FBXL4: variants seen among roughly 807,000 people sequenced by gnomAD.
FBXL4 encodes F-box and leucine rich repeat protein 4, also known as F-box/LRR-repeat protein 4.
Under a neutral mutation model 58.9 loss-of-function variants are expected in FBXL4, and 40 were observed. That is an observed-to-expected ratio of 0.68 (90% CI 0.53 to 0.88). The LOEUF is 0.88. FBXL4 is among the 40% of genes least tolerant of loss of function. The probability of loss-of-function intolerance (pLI) is 0.00; values close to 1 mark genes in which losing one functional copy is unlikely to be tolerated. For missense variants in FBXL4, 676 were observed against 734.4 expected (o/e 0.92, Z 0.92); for synonymous variants, 263 against 265.5 (o/e 0.99, Z 0.09).
chr6:98,893,370 G>A (rs1442744955), intron 7 of FBXL4, among the ~76,000 whole-genome samples: 1 of 152,028 alleles, frequency 6.6e-6, no homozygotes, highest in East Asian at 1.9e-4. Flanking sequence ...TTTCCTCTAA[G>A]ACTTCTCTTA....
chr6:98,920,678 A>C (rs1772545245), intron 4 of FBXL4, among the ~76,000 whole-genome samples: 1 of 152,210 alleles, frequency 6.6e-6, no homozygotes, highest in South Asian at 2.1e-4. Context: ...TAAAATGAGA[A>C]AGGTATCTAT....
At position 98,944,727 on chromosome 6, in the gene FBXL4, C is replaced by T. The variant is rs144659114; in HGVS notation, c.-309+3079G>A. 7.2e-3 allele frequency among the ~76,000 whole-genome samples: 1,091 copies of T among 152,188 alleles called. 11 individuals carry two copies. The highest frequency in any genetic ancestry group is 0.058 in the Middle Eastern group (17 of 294). On this transcript the variant is annotated intron_variant, in intron 1 of 9. Coordinates refer to ENST00000369244, the MANE Select transcript of FBXL4 (RefSeq NM_001278716.2). Reference sequence around the variant, plus strand: ...ATGTGGGAAAATAAAGATAATGTCTCCCTCTCTGGCAAAGATCAGACAGCT... The same window carrying T: ...ATGTGGGAAAATAAAGATAATGTCTTCCTCTCTGGCAAAGATCAGACAGCT...
In FBXL4 at chr6:98,917,585, T is replaced by C. The variant is rs1772413994; in HGVS notation, c.647A>G (p.Tyr216Cys). Residue 216 changes from tyrosine (Y) to cysteine (C), a missense_variant, in exon 5 of 10, where the codon TAT becomes TGT. By Grantham distance (194) the Tyr-to-Cys change is radical (BLOSUM62 -2). Transcript: ENST00000369244. ...RLEVNSSLLEYYTELDAVVLH... is the reference protein window; with the variant it reads ...RLEVNSSLLECYTELDAVVLH... The stretch of plus-strand genomic sequence containing the variant: ...CACAACTGCATCTAATTCAGTGTAA[T>C]ATTCCAGAAGAGAACTATTTACTTC... The C allele has an allele frequency of 6.2e-7, 1 of 1,614,040 alleles. No homozygotes were observed. Among genetic ancestry groups the C allele is most frequent in the East Asian group, 2.2e-5 (1 of 44,880 alleles).
chr6:98,905,502 G>A lies in FBXL4; in HGVS notation c.1027C>T (p.Arg343Cys), dbSNP rs754570800. The A allele has an allele frequency of 2.2e-5, 35 of 1,613,894 alleles. No homozygotes were observed. The highest frequency in any genetic ancestry group is 3.3e-5 in the South Asian group (3 of 91,086). The stretch of plus-strand genomic sequence containing the variant: ...TTAAGCCACTGGACAAGAGTGCAGC[G>A]AGACTGTAGAAATTCCAGAGAAGTG... ...DDTSLEFLQS[R>C]CTLVQWLNLS... The change falls in exon 6 of 10, where the codon CGC (arginine) becomes TGC (cysteine). Residue 343 changes from arginine (R) to cysteine (C), a missense_variant. Physicochemically the swap from Arg to Cys is radical, Grantham distance 180 (BLOSUM62 -3). Coordinates refer to ENST00000369244, the MANE Select transcript of FBXL4 (RefSeq NM_001278716.2).
intron 1 of FBXL4, among the ~76,000 whole-genome samples, chr6:98,940,648 G>A (rs560571222): frequency 2.2e-4 from 33 of 151,612 alleles, no homozygotes; most frequent in Non-Finnish European, 4.1e-4. Flanking sequence ...TCCTTACTAT[G>A]GAGTTGTAAG....
intron 6 of FBXL4, among the ~76,000 whole-genome samples, chr6:98,900,741 A>C (rs1420887085): frequency 1.3e-5 from 2 of 152,238 alleles, no homozygotes; most frequent in Non-Finnish European, 2.9e-5. Context: ...CTGCAAATTT[A>C]AATATTGTAA....
At chr6:98,884,493 A>G (rs1416187888) in intron 7 of FBXL4, among the ~76,000 whole-genome samples, 1 of 152,120 alleles carries the variant, frequency 6.6e-6, no homozygotes, top group Non-Finnish European at 1.5e-5. Context: ...TTCAGATGAC[A>G]GTTACCTTCT....
chr6:98,892,772 A>G (rs1771273818), intron 7 of FBXL4, among the ~76,000 whole-genome samples: 1 of 152,234 alleles, frequency 6.6e-6, no homozygotes, highest in Non-Finnish European at 1.5e-5. Flanking sequence ...CTTCTAGTTC[A>G]TGAAGATAAA....
At chr6:98,942,289 T>C (rs1328894779) in intron 1 of FBXL4, among the ~76,000 whole-genome samples, 1 of 151,966 alleles carries the variant, frequency 6.6e-6, no homozygotes, top group African/African-American at 2.4e-5. Context: ...ATCTAAGTGA[T>C]ACGATACTAG....
At chr6:98,902,699 G>A (rs757678072) in intron 6 of FBXL4, among the ~76,000 whole-genome samples, 11 of 151,946 alleles carry the variant, frequency 7.2e-5, no homozygotes, top group Non-Finnish European at 1.5e-4. Flanking sequence ...AAAATGGTAG[G>A]GAAAAAATGA....
At chr6:98,927,938 A>G (rs1268034150) in intron 2 of FBXL4, 116 bp from the exon 3 acceptor site, 1 of 152,208 alleles carries the variant, frequency 6.6e-6, no homozygotes, top group Non-Finnish European at 1.5e-5. Flanking sequence ...ACATTTTTCT[A>G]TTTTGTACAC....
intron 1 of FBXL4, among the ~76,000 whole-genome samples, chr6:98,943,268 A>G (rs1773498156): frequency 2.1e-5 from 3 of 143,408 alleles, no homozygotes; most frequent in South Asian, 4.3e-4. Flanking sequence ...ATGTAAAACA[A>G]AAAAAAAAAG....
chr6:98,938,328 C>A (rs1455625293), intron 1 of FBXL4, among the ~76,000 whole-genome samples: 8 of 152,136 alleles, frequency 5.3e-5, no homozygotes, highest in Non-Finnish European at 8.8e-5. Context: ...TTACAACCCC[C>A]TGATCTGGAG....
intron 2 of FBXL4, among the ~76,000 whole-genome samples, chr6:98,929,381 G>A (rs1772914902): frequency 6.6e-6 from 1 of 151,958 alleles, no homozygotes; most frequent in Non-Finnish European, 1.5e-5. Flanking sequence ...AAACCAGCTT[G>A]ACCAACACAG....
Position 98,934,863 on chromosome 6 carries a change from A to C in FBXL4, c.-292T>G, listed in dbSNP as rs554004510. The stretch of plus-strand genomic sequence containing the variant: ...AGCAAATGGAGAAGGCAAGGGAACC[A>C]GGCCAGGAAGAAAAATCTAAAAGCA... On this transcript the variant is annotated 5_prime_UTR_variant, in exon 2 of 10. Transcript: ENST00000369244. 1 of 152,286 alleles carries C rather than the reference A, an allele frequency of 6.6e-6. No homozygotes were observed. Among genetic ancestry groups the C allele is most frequent in the Non-Finnish European group, 1.5e-5 (1 of 68,076 alleles). 9.4% of individuals were successfully genotyped at this position (152,286 alleles called of 1,614,324 possible).
At chr6:98,876,713 G>C (rs1407915716) in intron 8 of FBXL4, among the ~76,000 whole-genome samples, 1 of 152,136 alleles carries the variant, frequency 6.6e-6, no homozygotes. Context: ...GAGTGTCACG[G>C]GTTGAGGGAA....
rs143421682 is a variant in FBXL4 at position 98,940,245 on chromosome 6, T to C, written c.-308-5366A>G. ...TGCAAGTTTTTCAAATTGTTGCAAA[T>C]CTCCAAAATTTTTCTATATTTATTG... On this transcript the variant is annotated intron_variant, in intron 1 of 9. Transcript: ENST00000369244. Among the ~76,000 whole-genome samples, 9 of 152,282 alleles carry C rather than the reference T, an allele frequency of 5.9e-5. No individual in the cohort carries two copies. In the East Asian group the frequency reaches 1.5e-3, roughly 26 times the overall value.
rs954591802 is a variant in FBXL4, at chr6:98,872,881, G to A, written c.*1397C>T. On this transcript the variant is annotated 3_prime_UTR_variant, in exon 10 of 10. Coordinates refer to ENST00000369244, the MANE Select transcript of FBXL4 (RefSeq NM_001278716.2). ...CTCAGTTTCCTCATCTGTAAATGGG[G>A]GTAAGTAATGGCATTTATCTTACAG... 5.3e-5 allele frequency: 8 copies of A among 152,022 alleles called. No homozygotes were observed. The highest frequency in any genetic ancestry group is 1.2e-4 in the Non-Finnish European group (8 of 68,024). The allele number at this position is 152,022 out of a possible 1,614,324, so 9.4% of individuals were successfully genotyped here.
chr6:98,939,599 G>A (rs1445181378), intron 1 of FBXL4, among the ~76,000 whole-genome samples: 1 of 152,158 alleles, frequency 6.6e-6, no homozygotes, highest in African/African-American at 2.4e-5. Flanking sequence ...TGGTCCTTTT[G>A]CTGGATTCGT....
Sources: gnomAD v4.1 joint callset for allele counts (sites outside exome capture counted in the v4.1 genomes callset) on GRCh38, gnomAD v4.1.1 for gene constraint, MANE v1.5 for transcripts, NCBI Gene and HGNC (gene_info 2026-07-23, HGNC 2026-07-21) for gene names.